The following LRMDA variants were observed in gnomAD, a reference collection of about 807,000 sequenced individuals.
LRMDA encodes leucine rich melanocyte differentiation associated.
LRMDA carries 18 observed loss-of-function variants against 29.8 expected under a neutral mutation model. The observed-to-expected ratio is 0.60, with a 90% CI of 0.42 to 0.90. LRMDA has a LOEUF of 0.90. LRMDA is among the 40% of genes least tolerant of loss of function. The probability of loss-of-function intolerance (pLI) is 0.00; values close to 1 mark genes in which losing one functional copy is unlikely to be tolerated. For synonymous variants in LRMDA, 125 were observed against 109.4 expected (o/e 1.14, Z -0.89); for missense variants, 273 against 273.9 (o/e 1.00, Z 0.02).
At chr10:76,502,750 CT>C (rs374835259) in intron 6 of LRMDA, among the ~76,000 whole-genome samples, 30 of 145,414 alleles carry the variant, frequency 2.1e-4, no homozygotes, top group East Asian at 8.0e-4. Flanking sequence ...TTTTTTCTTT[CT>C]TTTTTTTTTG....
chr10:75,971,056 AC>A (rs1395889088), intron 2 of LRMDA, among the ~76,000 whole-genome samples: 2 of 152,054 alleles, frequency 1.3e-5, no homozygotes, highest in Non-Finnish European at 2.9e-5. Flanking sequence ...GAAAACCAGG[AC>A]CCAGGCTTTT....
chr10:75,616,329 C>T (rs1841101273), intron 2 of LRMDA, among the ~76,000 whole-genome samples: 1 of 152,152 alleles, frequency 6.6e-6, no homozygotes, highest in Non-Finnish European at 1.5e-5. Context: ...ATTCAATTAT[C>T]TCCACCTGGC....
intron 2 of LRMDA, among the ~76,000 whole-genome samples, chr10:76,012,476 T>C (rs894511452): frequency 6.6e-6 from 1 of 152,052 alleles, no homozygotes; most frequent in East Asian, 1.9e-4. Context: ...GGTTGGGGGG[T>C]GCTTTCCTCC....
At chr10:76,251,691 A>G (rs1016191171) in intron 5 of LRMDA, among the ~76,000 whole-genome samples, 1 of 152,252 alleles carries the variant, frequency 6.6e-6, no homozygotes, top group Non-Finnish European at 1.5e-5. Flanking sequence ...GGGACCGGAC[A>G]AGGGAAATGG....
chr10:75,759,097 T>C (rs1034198822), intron 2 of LRMDA, among the ~76,000 whole-genome samples: 22 of 152,312 alleles, frequency 1.4e-4, no homozygotes, highest in African/African-American at 4.1e-4. Context: ...TATTTGTGTG[T>C]ACACACATCT....
At chr10:75,616,387 G>A (rs1011207084) in intron 2 of LRMDA, among the ~76,000 whole-genome samples, 1 of 152,188 alleles carries the variant, frequency 6.6e-6, no homozygotes, top group Non-Finnish European at 1.5e-5. Flanking sequence ...TGAGAGTTGG[G>A]TGGGGACATA....
intron 2 of LRMDA, among the ~76,000 whole-genome samples, chr10:76,015,366 G>A (rs892575052): frequency 1.3e-5 from 2 of 152,160 alleles, no homozygotes; most frequent in Admixed American, 6.5e-5. Context: ...GCTCATTCAC[G>A]TGATTGTGGG....
intron 2 of LRMDA, among the ~76,000 whole-genome samples, chr10:75,458,886 C>G (rs369031844): frequency 6.6e-6 from 1 of 152,016 alleles, no homozygotes; most frequent in Non-Finnish European, 1.5e-5. Context: ...TTTTTACAAC[C>G]ATAAAAAAAA....
At chr10:75,595,718 A>C (rs1840778441) in intron 2 of LRMDA, among the ~76,000 whole-genome samples, 1 of 151,756 alleles carries the variant, frequency 6.6e-6, no homozygotes, top group African/African-American at 2.4e-5. Context: ...TAATATATAT[A>C]TTTTTAACAC....
chr10:75,697,850 T>TGTGTGTGTGTGTGTGTGTGTGTGCGCGC (rs10664076), intron 2 of LRMDA, among the ~76,000 whole-genome samples: 11 of 151,702 alleles, frequency 7.3e-5, no homozygotes, highest in Non-Finnish European at 1.0e-4. Flanking sequence ...TGTGTGTGTG[T>TGTGTGTGTGTGTGTGTGTGTGTGCGCGC]GCGTGTGTGT....
chr10:76,261,358 TA>T (rs1269501627), intron 5 of LRMDA, among the ~76,000 whole-genome samples: 1 of 151,920 alleles, frequency 6.6e-6, no homozygotes, highest in Non-Finnish European at 1.5e-5. Context: ...AGGCGTGAGC[TA>T]CTGCGCCCGG....
At chr10:76,254,716 C>T (rs928584586) in intron 5 of LRMDA, among the ~76,000 whole-genome samples, 1 of 151,874 alleles carries the variant, frequency 6.6e-6, no homozygotes, top group African/African-American at 2.4e-5. Flanking sequence ...ACCTCTTCTC[C>T]TCTCCTCTCT....
In LRMDA at chr10:76,203,835, A is replaced by C. The variant is rs370762952; in HGVS notation, c.517-120566A>C. 3.2e-5 allele frequency among the ~76,000 whole-genome samples: 4 copies of C among 125,884 alleles called. No individual in the cohort carries two copies. The East Asian group carries it at 9.6e-4, about 30-fold the overall frequency. 82.6% of individuals were successfully genotyped at this position (125,884 alleles called of 152,430 possible). On this transcript the variant is annotated intron_variant, in intron 5 of 6. Coordinates refer to ENST00000611255, the MANE Select transcript of LRMDA (RefSeq NM_001305581.2). ...CATGTGCCCATCCACCCATCTCTCC[A>C]TGTGTCTGTCCACCCATTTCTCCAT...
rs1843575454 is a variant in LRMDA at position 76,557,678 on chromosome 10, C to T, written c.*390C>T. ...AGTGGCTGCAGTCAAGTGAGAAAGA[C>T]TGTCCTCAGCTCGCCTATTGAATTG... On this transcript the variant is annotated 3_prime_UTR_variant, in exon 7 of 7. Coordinates refer to ENST00000611255, the MANE Select transcript of LRMDA (RefSeq NM_001305581.2). 4.7e-6 allele frequency: 1 copy of T among 212,292 alleles called. No individual in the cohort carries two copies. The highest frequency in any genetic ancestry group is 5.2e-5 in the Admixed American group (1 of 19,110). 13.2% of individuals were successfully genotyped at this position (212,292 alleles called of 1,614,324 possible). A position where few individuals can be genotyped will look rare whatever the true frequency, so the allele number is the denominator to read the frequency against.
intron 2 of LRMDA, among the ~76,000 whole-genome samples, chr10:75,685,694 G>A (rs1463859175): frequency 1.3e-5 from 2 of 152,200 alleles, no homozygotes; most frequent in East Asian, 1.9e-4. Context: ...TCATAAAGGC[G>A]ATGACAGAAG....
chr10:76,135,016 AC>A (rs1850067696), intron 5 of LRMDA, among the ~76,000 whole-genome samples: 1 of 152,238 alleles, frequency 6.6e-6, no homozygotes, highest in Non-Finnish European at 1.5e-5. Flanking sequence ...GAACTCTTCC[AC>A]CAGTTTAGTT....
chr10:75,516,146 A>C (rs1029335628), intron 2 of LRMDA, among the ~76,000 whole-genome samples: 15 of 152,226 alleles, frequency 9.9e-5, no homozygotes, highest in Admixed American at 3.3e-4. Flanking sequence ...GCTATTGTGA[A>C]TAGTGCTGCA....
intron 5 of LRMDA, among the ~76,000 whole-genome samples, chr10:76,177,313 T>C (rs983021947): frequency 1.6e-4 from 24 of 152,182 alleles, no homozygotes; most frequent in Admixed American, 2.0e-4. Context: ...AACTTTAATA[T>C]CTGATCACTT....
rs192918714 is a variant in LRMDA at position 75,641,848 on chromosome 10, T to C, written c.131+203354T>C. Among the ~76,000 whole-genome samples the C allele has an allele frequency of 2.0e-5, 3 of 152,136 alleles. No homozygotes were observed. The East Asian group carries it at 5.8e-4, about 29-fold the overall frequency. On this transcript the variant is annotated intron_variant, in intron 2 of 6. Coordinates refer to ENST00000611255, the MANE Select transcript of LRMDA (RefSeq NM_001305581.2). ...GAATTACTGAACCTAGGAATTTGAGTCCAGCTCAGGCAACATAGCAAGACC... is the reference window on the plus strand; with the variant it reads ...GAATTACTGAACCTAGGAATTTGAGCCCAGCTCAGGCAACATAGCAAGACC...
Sources: allele counts gnomAD v4.1 joint callset (sites outside exome capture counted in the v4.1 genomes callset), GRCh38; gene constraint gnomAD v4.1.1; transcripts MANE v1.5; gene names NCBI Gene and HGNC (gene_info 2026-07-23, HGNC 2026-07-21).